ERO1A: variants seen among roughly 807,000 people sequenced by gnomAD.
The protein encoded by ERO1A is ERO1-like protein alpha.
Under a neutral mutation model 76.9 loss-of-function variants are expected in ERO1A, and 49 were observed. That is an observed-to-expected ratio of 0.64 (90% CI 0.51 to 0.81). The LOEUF is 0.81. Ranked by LOEUF, ERO1A falls within the 30% of genes least tolerant of loss-of-function variation. The pLI, the probability that ERO1A is intolerant of heterozygous loss-of-function variation, is 0.00. For missense variants in ERO1A, 448 were observed against 542.1 expected (o/e 0.83, Z 1.72); for synonymous variants, 174 against 181.2 (o/e 0.96, Z 0.32).
Position 52,672,055 on chromosome 14 carries a change from G to A in ERO1A, c.358-184C>T, listed in dbSNP as rs184527165. 299 of 480,890 alleles carry A rather than the reference G, an allele frequency of 6.2e-4. 7 individuals carry two copies. The East Asian group carries it at 7.6e-3, about 12-fold the overall frequency. 29.8% of individuals were successfully genotyped at this position (480,890 alleles called of 1,614,324 possible). A position where few individuals can be genotyped will look rare whatever the true frequency, so the allele number is the denominator to read the frequency against. On this transcript the variant is annotated intron_variant, in intron 4 of 15. Transcript: ENST00000395686. ...TACGGTGGCTCACGCCTATAATCCC[G>A]GCACTGTGGGAGCCCGAGGCAGGTG... is the stretch of plus-strand genomic sequence containing the variant.
chr14:52,648,981 T>C (rs1017312386), intron 13 of ERO1A, among the ~76,000 whole-genome samples: 2 of 152,168 alleles, frequency 1.3e-5, no homozygotes, highest in African/African-American at 4.8e-5. Context: ...TTAGTAAGGA[T>C]TTCACAGGAG....
At chr14:52,681,717 A>C (rs1566645814) in intron 3 of ERO1A, among the ~76,000 whole-genome samples, 1 of 151,914 alleles carries the variant, frequency 6.6e-6, no homozygotes, top group Non-Finnish European at 1.5e-5. Context: ...GGATACTTCA[A>C]ATTTTAATGC....
chr14:52,667,237 C>A (rs1242346230), intron 6 of ERO1A, among the ~76,000 whole-genome samples: 1 of 152,078 alleles, frequency 6.6e-6, no homozygotes, highest in African/African-American at 2.4e-5. Flanking sequence ...TGGCCAAAAG[C>A]AAAAGTTACA....
At chr14:52,669,209 T>C (rs1241077190) in intron 6 of ERO1A, among the ~76,000 whole-genome samples, 1 of 152,176 alleles carries the variant, frequency 6.6e-6, no homozygotes, top group East Asian at 1.9e-4. Context: ...AAGACACTAA[T>C]ACAAATGGGC....
chr14:52,691,643 G>A (rs747207764), intron 1 of ERO1A, among the ~76,000 whole-genome samples: 1 of 152,144 alleles, frequency 6.6e-6, no homozygotes, highest in Non-Finnish European at 1.5e-5. Context: ...TCTACTAAAT[G>A]CGCTCCAAGC....
At chr14:52,665,742 C>T (rs1386256838) in intron 7 of ERO1A, among the ~76,000 whole-genome samples, 1 of 152,128 alleles carries the variant, frequency 6.6e-6, no homozygotes, top group Non-Finnish European at 1.5e-5. Context: ...AATGGTTACC[C>T]CGTACAAAGC....
chr14:52,641,707 TTA>T lies in ERO1A; in HGVS notation c.*1861_*1862del, dbSNP rs1262832803. On this transcript the variant is annotated 3_prime_UTR_variant, in exon 16 of 16. Transcript: ENST00000395686. The stretch of plus-strand genomic sequence containing the variant: ...TTTGAACCCACACTGTATTTATATT[TTA>T]TATAGAGTGATCACTTCATAGTCTT... The T allele has an allele frequency of 2.6e-5, 4 of 152,144 alleles. No individual in the cohort carries two copies. The highest frequency in any genetic ancestry group is 6.5e-5 in the Admixed American group (1 of 15,268). 9.4% of individuals were successfully genotyped at this position (152,144 alleles called of 1,614,324 possible).
intron 1 of ERO1A, among the ~76,000 whole-genome samples, chr14:52,685,593 T>C (rs1487710158): frequency 1.3e-5 from 2 of 152,164 alleles, no homozygotes; most frequent in Admixed American, 6.5e-5. Flanking sequence ...AAGGGACATA[T>C]GCAAAGTAGA....
chr14:52,644,274 C>T (rs183171046), intron 15 of ERO1A, among the ~76,000 whole-genome samples: 156 of 152,130 alleles, frequency 1.0e-3, no homozygotes, highest in Non-Finnish European at 4.1e-4. Flanking sequence ...GGCAATGTGG[C>T]AAAACCTTCT....
rs1274498103 is a variant in ERO1A, at chr14:52,642,769, A to C, written c.*801T>G. ...AATTGGAAATTATATAAAAATAAAA[A>C]GTGTTCCCCAAATTTTATTTAGTAT... On this transcript the variant is annotated 3_prime_UTR_variant, in exon 16 of 16. Coordinates refer to ENST00000395686, the MANE Select transcript of ERO1A (RefSeq NM_014584.3). The C allele has an allele frequency of 1.3e-5, 2 of 152,612 alleles. No individual in the cohort carries two copies. Among genetic ancestry groups the C allele is most frequent in the African/African-American group, 4.8e-5 (2 of 41,432 alleles). 9.5% of individuals were successfully genotyped at this position (152,612 alleles called of 1,614,324 possible). A position where few individuals can be genotyped will look rare whatever the true frequency, so the allele number is the denominator to read the frequency against.
At chr14:52,658,079 GA>G in intron 10 of ERO1A, 44 bp downstream of exon 10, 1 of 1,499,662 alleles carries the variant, frequency 6.7e-7, no homozygotes, top group Non-Finnish European at 9.2e-7. Context: ...TTAATCTCAT[GA>G]GAAAAAAACC....
Position 52,695,440 on chromosome 14 carries a change from G to A in ERO1A, c.42C>T (p.Ala14=), listed in dbSNP as rs993532279. The change falls in exon 1 of 16, where the codon GCC becomes GCT. Residue 14 remains alanine (A), a synonymous_variant. Transcript: ENST00000395686. The part of the protein sequence containing the change: ...GWGFLFGLLG[A]VWLLSSGHGE... ...CGTGGCCCGAGCTGAGCAGCCACAC[G>A]GCGCCCAGGAGGCCAAACAAGAATC... The A allele has an allele frequency of 6.4e-7, 1 of 1,551,692 alleles. No individual in the cohort carries two copies. The highest frequency in any genetic ancestry group is 8.7e-7 in the Non-Finnish European group (1 of 1,149,038).
At chr14:52,682,205 G>A in intron 3 of ERO1A, 120 bp downstream of exon 3, 1 of 710,732 alleles carries the variant, frequency 1.4e-6, no homozygotes, top group Non-Finnish European at 2.3e-6. Context: ...ACCAACCTGG[G>A]CAACATAGTG....
At chr14:52,646,525 G>A (rs2039662524) in intron 13 of ERO1A, 64 bp from the exon 14 acceptor site, 1 of 1,325,010 alleles carries the variant, frequency 7.5e-7, no homozygotes, top group African/African-American at 1.5e-5. Flanking sequence ...AGTATTTTCT[G>A]AGCAGGTTCT....
chr14:52,663,631 T>C, intron 8 of ERO1A, 170 bp downstream of exon 8: 1 of 429,482 alleles, frequency 2.3e-6, no homozygotes, highest in East Asian at 3.7e-5. Context: ...TTTACTGAAG[T>C]ACAAATAATT....
At chr14:52,663,599 CAA>C (rs771884796) in intron 8 of ERO1A, among the ~76,000 whole-genome samples, 200 bp downstream of exon 8, 21 of 108,312 alleles carry the variant, frequency 1.9e-4, no homozygotes, top group Non-Finnish European at 1.6e-4. Context: ...GACTCCATCT[CAA>C]AAAAAAAAAA....
chr14:52,693,104 A>G (rs373718923), intron 1 of ERO1A, among the ~76,000 whole-genome samples: 20 of 142,824 alleles, frequency 1.4e-4, no homozygotes, highest in African/African-American at 5.0e-4. Flanking sequence ...TTTTTTAACT[A>G]TATGATCCTC....
intron 1 of ERO1A, among the ~76,000 whole-genome samples, chr14:52,684,255 CCT>C (rs1491021210): frequency 6.6e-6 from 1 of 151,938 alleles, no homozygotes; most frequent in African/African-American, 2.4e-5. Context: ...GTCATGGTCC[CCT>C]CTCCAGGATC....
At chr14:52,693,430 G>T (rs904892968) in intron 1 of ERO1A, among the ~76,000 whole-genome samples, 2 of 152,128 alleles carry the variant, frequency 1.3e-5, no homozygotes, top group Non-Finnish European at 2.9e-5. Context: ...GGCTCTCCTT[G>T]CTCCTCAGCC....
Sources: gnomAD v4.1 joint callset for allele counts (sites outside exome capture counted in the v4.1 genomes callset) on GRCh38, gnomAD v4.1.1 for gene constraint, MANE v1.5 for transcripts, NCBI Gene and HGNC (gene_info 2026-07-23, HGNC 2026-07-21) for gene names.